The following NFYC variants were observed in gnomAD, a reference collection of about 807,000 sequenced individuals.
NFYC encodes the protein CAAT box DNA-binding protein subunit C.
A neutral mutation model predicts 53.1 loss-of-function variants in NFYC; 25 were observed. That is an observed-to-expected ratio of 0.47 (90% confidence interval 0.34 to 0.66). The LOEUF (loss-of-function observed/expected upper bound fraction) is 0.66, where lower values mean the gene tolerates loss of function less well. Ranked by LOEUF, NFYC falls within the 30% of genes least tolerant of loss-of-function variation. NFYC has a pLI of 0.01. For missense variants in NFYC, 260 were observed against 422.7 expected, an observed-to-expected ratio of 0.62 and a Z score of 3.38; for synonymous variants, 145 against 152.6, an observed-to-expected ratio of 0.95 and a Z score of 0.37.
chr1:40,732,200 A>G (rs778986267), intron 1 of NFYC, among the ~76,000 whole-genome samples: 2 of 152,234 alleles, frequency 1.3e-5, no homozygotes, highest in Non-Finnish European at 2.9e-5. Context: ...GGTTTAGGCT[A>G]CTATAAAAGA....
intron 2 of NFYC, among the ~76,000 whole-genome samples, chr1:40,744,751 GAGA>G (rs1038205534): frequency 7.2e-5 from 11 of 152,188 alleles, no homozygotes; most frequent in African/African-American, 2.4e-4. Flanking sequence ...TCAGTATCAG[GAGA>G]AGGAGTTAAG....
intron 1 of NFYC, among the ~76,000 whole-genome samples, chr1:40,692,751 A>G (rs1481402228): frequency 1.3e-5 from 2 of 152,176 alleles, no homozygotes; most frequent in East Asian, 3.8e-4. Context: ...AATGCTATTG[A>G]GAAGTGTGCT....
chr1:40,730,636 G>A (rs1254348718), intron 1 of NFYC: 1 of 980,594 alleles, frequency 1.0e-6, no homozygotes, highest in Non-Finnish European at 1.2e-6. Context: ...AGAGATACTT[G>A]TTGACATGTT....
chr1:40,731,499 G>C (rs1378640283), intron 1 of NFYC, among the ~76,000 whole-genome samples: 1 of 145,914 alleles, frequency 6.9e-6, no homozygotes, highest in African/African-American at 2.5e-5. Context: ...TTTTGGCGGG[G>C]GCGGGGGACA....
intron 6 of NFYC, among the ~76,000 whole-genome samples, chr1:40,759,602 G>GTA (rs1439559292): frequency 6.6e-6 from 1 of 151,666 alleles, no homozygotes; most frequent in African/African-American, 2.4e-5. Context: ...ATATATGTGT[G>GTA]TATATATATG....
chr1:40,730,274 C>G (rs1644710266), intron 1 of NFYC, among the ~76,000 whole-genome samples: 1 of 135,958 alleles, frequency 7.4e-6, no homozygotes, highest in Non-Finnish European at 1.5e-5. Flanking sequence ...CTCCTGGATT[C>G]ATGCAGTCAG....
intron 2 of NFYC, among the ~76,000 whole-genome samples, chr1:40,744,761 TAAG>T (rs1645524604): frequency 6.6e-6 from 1 of 152,150 alleles, no homozygotes; most frequent in Admixed American, 6.5e-5. Flanking sequence ...GAGAAGGAGT[TAAG>T]GAGTTAAATG....
intron 1 of NFYC, among the ~76,000 whole-genome samples, chr1:40,722,349 A>C (rs1644358618): frequency 6.6e-6 from 1 of 152,188 alleles, no homozygotes. Context: ...ATTTGTTCCA[A>C]ATTTAATAGT....
rs1647033204 is a variant in NFYC, at chr1:40,770,488, C to T, written c.889-221C>T. 1 of 1,551,822 alleles carries T rather than the reference C, an allele frequency of 6.4e-7. No individual in the cohort carries two copies. The highest frequency in any genetic ancestry group is 2.4e-5 in the East Asian group (1 of 40,914). On this transcript the variant is annotated intron_variant, in intron 9 of 9. Transcript: ENST00000447388. The surrounding 1 kb of genome is among the most constrained non-coding windows in gnomAD (Gnocchi z 5.3). ...GCCACAGGAAATTCAACTCCCTGCA[C>T]CTCTTCCCTGCCCACCACACACCCC...
At chr1:40,718,697 A>AT (rs1410269681) in intron 1 of NFYC, among the ~76,000 whole-genome samples, 1 of 152,122 alleles carries the variant, frequency 6.6e-6, no homozygotes, top group Admixed American at 6.5e-5. Context: ...TAGTTGAAGG[A>AT]TTTTTTCCAA....
Position 40,739,046 on chromosome 1 carries a change from A to G in NFYC, c.105+98A>G, listed in dbSNP as rs1463440706. On this transcript the variant is annotated intron_variant, in intron 2 of 9. Transcript: ENST00000447388. The stretch of plus-strand genomic sequence containing the variant: ...TCAGACTAAAGCATTTTTAATTTCA[A>G]GCACATTTACAGAGGCATGGTTCAC... The G allele has an allele frequency of 5.7e-6, 5 of 881,776 alleles. No individual in the cohort carries two copies. In the East Asian group the frequency reaches 1.3e-4, roughly 23 times the overall value. 54.6% of individuals were successfully genotyped at this position (881,776 alleles called of 1,614,324 possible).
Position 40,765,634 on chromosome 1 carries a change from A to C in NFYC, c.721-962A>C, listed in dbSNP as rs147156636. Among the ~76,000 whole-genome samples the C allele has an allele frequency of 1.8e-3, 275 of 152,256 alleles. 3 individuals are homozygous for C. Among genetic ancestry groups the C allele is most frequent in the African/African-American group, 6.2e-3 (256 of 41,542 alleles). On this transcript the variant is annotated intron_variant, in intron 7 of 9. Coordinates refer to ENST00000447388, the MANE Select transcript of NFYC (RefSeq NM_014223.5). ...GGCAGGTGGTTTCTGGACCCCGCAG[A>C]TAGAGACCTAGTCTATCCATGCTCC...
At chr1:40,754,144 A>G (rs1292099351) in intron 5 of NFYC, among the ~76,000 whole-genome samples, 2 of 152,072 alleles carry the variant, frequency 1.3e-5, no homozygotes, top group Non-Finnish European at 2.9e-5. Context: ...GAATTATTTC[A>G]TAGTATATTA....
chr1:40,769,882 G>A (rs1225800478), intron 9 of NFYC, among the ~76,000 whole-genome samples: 2 of 152,208 alleles, frequency 1.3e-5, no homozygotes, highest in African/African-American at 4.8e-5. Flanking sequence ...CATGCGAGGA[G>A]AGAATCTTCC....
chr1:40,760,955 G>C (rs1312072400), intron 6 of NFYC, among the ~76,000 whole-genome samples: 1 of 152,130 alleles, frequency 6.6e-6, no homozygotes, highest in Non-Finnish European at 1.5e-5. Flanking sequence ...CCTGCCAAAG[G>C]CTTTATCCCT....
intron 2 of NFYC, among the ~76,000 whole-genome samples, chr1:40,747,300 G>GC (rs1645664082): frequency 6.7e-6 from 1 of 148,886 alleles, no homozygotes; most frequent in Non-Finnish European, 1.5e-5. Flanking sequence ...AGCACTGTTA[G>GC]AGGCCATCCT....
chr1:40,770,491 C>G lies in NFYC; in HGVS notation c.889-218C>G, dbSNP rs2148821513. ...ACAGGAAATTCAACTCCCTGCACCT[C>G]TTCCCTGCCCACCACACACCCCCCC... On this transcript the variant is annotated intron_variant, in intron 9 of 9. Coordinates refer to ENST00000447388, the MANE Select transcript of NFYC (RefSeq NM_014223.5). The surrounding 1 kb of genome is among the most constrained non-coding windows in gnomAD (Gnocchi z 5.3). 6.4e-7 allele frequency: 1 copy of G among 1,552,090 alleles called. No individual in the cohort carries two copies. The highest frequency in any genetic ancestry group is 8.7e-7 in the Non-Finnish European group (1 of 1,147,398).
At chr1:40,756,588 A>T (rs146684496) in intron 5 of NFYC, among the ~76,000 whole-genome samples, 79 of 152,280 alleles carry the variant, frequency 5.2e-4, no homozygotes, top group African/African-American at 1.6e-3. Flanking sequence ...AACAAAGGAT[A>T]CTCAGCTCTG....
intron 2 of NFYC, among the ~76,000 whole-genome samples, chr1:40,744,604 A>G (rs537882745): frequency 6.6e-6 from 1 of 152,318 alleles, no homozygotes; most frequent in Admixed American, 6.5e-5. Context: ...TTTCAGATGG[A>G]AGCATTTTTA....
Sources: gnomAD v4.1 joint callset for allele counts (sites outside exome capture counted in the v4.1 genomes callset) on GRCh38, gnomAD v4.1.1 for gene constraint, Gnocchi (gnomAD v3.1) non-coding constraint, MANE v1.5 for transcripts, NCBI Gene and HGNC (gene_info 2026-07-23, HGNC 2026-07-21) for gene names.